SPRED1: variants seen among roughly 807,000 people sequenced by gnomAD.
SPRED1 encodes the protein sprouty related EVH1 domain containing 1, also known as sprouty-related, EVH1 domain-containing protein 1.
SPRED1 carries 18 observed loss-of-function variants against 52.3 expected under a neutral mutation model. That is an observed-to-expected ratio of 0.34 (90% confidence interval 0.24 to 0.51). The LOEUF is 0.51. SPRED1 is among the 20% of genes least tolerant of loss of function. The pLI is 0.97. For missense variants in SPRED1, 485 were observed against 551.0 expected (o/e 0.88, Z 1.20); for synonymous variants, 155 against 179.7 (o/e 0.86, Z 1.10).
At chr15:38,268,281 A>C (rs1894355178) in intron 1 of SPRED1, 1 of 152,192 alleles carries the variant, frequency 6.6e-6, no homozygotes, top group African/African-American at 2.4e-5. Context: ...ATTTTCATGA[A>C]ATAAGCTGAA....
intron 1 of SPRED1, among the ~76,000 whole-genome samples, chr15:38,287,982 A>G (rs1194739823): frequency 2.6e-5 from 4 of 152,142 alleles, no homozygotes; most frequent in African/African-American, 9.7e-5. Context: ...TGGTTCCTGG[A>G]AAGACTTGAA....
chr15:38,316,351 CAT>C (rs893965019), intron 2 of SPRED1, among the ~76,000 whole-genome samples: 1 of 151,846 alleles, frequency 6.6e-6, no homozygotes, highest in African/African-American at 2.4e-5. Flanking sequence ...CAGACAAAAA[CAT>C]AAAAAATAAA....
intron 1 of SPRED1, among the ~76,000 whole-genome samples, chr15:38,271,758 T>A (rs919149526): frequency 6.6e-6 from 1 of 152,156 alleles, no homozygotes; most frequent in African/African-American, 2.4e-5. Flanking sequence ...ATTAAAAAAA[T>A]TTCCATTCTT....
At chr15:38,278,833 T>G (rs1894621339) in intron 1 of SPRED1, among the ~76,000 whole-genome samples, 1 of 148,344 alleles carries the variant, frequency 6.7e-6, no homozygotes, top group African/African-American at 2.5e-5. Flanking sequence ...ACACTGTTTT[T>G]TTTTTTTTTT....
At chr15:38,259,274 C>T (rs1894159782) in intron 1 of SPRED1, among the ~76,000 whole-genome samples, 1 of 152,028 alleles carries the variant, frequency 6.6e-6, no homozygotes, top group African/African-American at 2.4e-5. Flanking sequence ...TTTAAAGAGG[C>T]AGGGTCTTGC....
At chr15:38,306,918 T>C (rs1016844701) in intron 2 of SPRED1, among the ~76,000 whole-genome samples, 37 of 152,212 alleles carry the variant, frequency 2.4e-4, no homozygotes, top group African/African-American at 8.9e-4. Context: ...CTTTCTGTAG[T>C]TACTGCTTTT....
chr15:38,254,721 C>T (rs1008507631), intron 1 of SPRED1, among the ~76,000 whole-genome samples: 2 of 152,140 alleles, frequency 1.3e-5, no homozygotes, highest in East Asian at 1.9e-4. Flanking sequence ...AATATCAGTT[C>T]GGGGAGGTGC....
At chr15:38,288,990 C>T (rs1191145286) in intron 1 of SPRED1, among the ~76,000 whole-genome samples, 2 of 152,124 alleles carry the variant, frequency 1.3e-5, no homozygotes, top group Admixed American at 1.3e-4. Context: ...CCAAATACAA[C>T]ATCATAACTT....
At position 38,272,931 on chromosome 15, in the gene SPRED1, T is replaced by C. The variant is rs145902578; in HGVS notation, c.32+19714T>C. Among the ~76,000 whole-genome samples the C allele has an allele frequency of 4.9e-4, 75 of 152,338 alleles. No individual in the cohort carries two copies. The East Asian group carries it at 0.011, about 22-fold the overall frequency. ...ATTTAAATTGCTTATAGATTCTGGA[T>C]ATTATGTCTTTGTTGGATGCATAGT... is the stretch of plus-strand genomic sequence containing the variant. On this transcript the variant is annotated intron_variant, in intron 1 of 6. Coordinates refer to ENST00000299084, the MANE Select transcript of SPRED1 (RefSeq NM_152594.3).
chr15:38,300,518 T>C (rs904381784), intron 2 of SPRED1, among the ~76,000 whole-genome samples: 3 of 152,142 alleles, frequency 2.0e-5, no homozygotes, highest in Non-Finnish European at 2.9e-5. Flanking sequence ...GGGGCTTGGT[T>C]TCTTCATATT....
At chr15:38,263,919 G>A (rs1005882408) in intron 1 of SPRED1, among the ~76,000 whole-genome samples, 24 of 152,196 alleles carry the variant, frequency 1.6e-4, no homozygotes, top group African/African-American at 4.8e-5. Flanking sequence ...ATGGGCCGCG[G>A]GTTGGATGAG....
chr15:38,275,784 GT>G (rs1894538905), intron 1 of SPRED1, among the ~76,000 whole-genome samples: 1 of 152,192 alleles, frequency 6.6e-6, no homozygotes, highest in Non-Finnish European at 1.5e-5. Flanking sequence ...GCGTGAGCCA[GT>G]GCACCCCGCC....
intron 5 of SPRED1, among the ~76,000 whole-genome samples, chr15:38,345,681 G>T (rs905865314): frequency 2.0e-5 from 3 of 152,088 alleles, no homozygotes; most frequent in African/African-American, 7.2e-5. Context: ...CCACTCGGTG[G>T]GTTTGCATCC....
chr15:38,293,521 A>G (rs1176688894), intron 1 of SPRED1, among the ~76,000 whole-genome samples: 2 of 152,204 alleles, frequency 1.3e-5, no homozygotes, highest in Non-Finnish European at 2.9e-5. Flanking sequence ...GGAGTAATAC[A>G]GATCTTCGTC....
At chr15:38,338,982 C>A (rs536149158) in intron 4 of SPRED1, among the ~76,000 whole-genome samples, 93 of 152,072 alleles carry the variant, frequency 6.1e-4, no homozygotes, top group Admixed American at 7.2e-4. Flanking sequence ...GTATTTCAGC[C>A]ACTTTTACTT....
Position 38,354,677 on chromosome 15 carries a change from T to C in SPRED1, c.*3013T>C, listed in dbSNP as rs1198700115. ...AATTGTAAAATGGTTATTTACCTAATGTGTCTTGTTGGCTTGCTGAAAGAT... is the reference window on the plus strand; with the variant it reads ...AATTGTAAAATGGTTATTTACCTAACGTGTCTTGTTGGCTTGCTGAAAGAT... On this transcript the variant is annotated 3_prime_UTR_variant, in exon 7 of 7. Coordinates refer to ENST00000299084, the MANE Select transcript of SPRED1 (RefSeq NM_152594.3). The C allele has an allele frequency of 1.3e-5, 2 of 152,226 alleles. No individual in the cohort carries two copies. Among genetic ancestry groups the C allele is most frequent in the African/African-American group, 4.8e-5 (2 of 41,458 alleles). 9.4% of individuals were successfully genotyped at this position (152,226 alleles called of 1,614,324 possible).
At chr15:38,324,444 T>G (rs1916153) in intron 3 of SPRED1, among the ~76,000 whole-genome samples, 1 of 152,056 alleles carries the variant, frequency 6.6e-6, no homozygotes, top group Non-Finnish European at 1.5e-5. Flanking sequence ...ACCAGAGCAA[T>G]GTAATTATAA....
intron 1 of SPRED1, among the ~76,000 whole-genome samples, chr15:38,295,194 C>T (rs1400702122): frequency 1.3e-5 from 2 of 152,116 alleles, no homozygotes; most frequent in Non-Finnish European, 1.5e-5. Context: ...GTTATTTCAT[C>T]ATTGTGCACA....
chr15:38,319,633 C>T (rs956439937), intron 2 of SPRED1, among the ~76,000 whole-genome samples: 1 of 152,320 alleles, frequency 6.6e-6, no homozygotes, highest in South Asian at 2.1e-4. Context: ...CCGCCTCAGC[C>T]TCCCACAGGG....
Sources: allele counts gnomAD v4.1 joint callset (sites outside exome capture counted in the v4.1 genomes callset), GRCh38; gene constraint gnomAD v4.1.1; transcripts MANE v1.5; gene names NCBI Gene and HGNC (gene_info 2026-07-23, HGNC 2026-07-21).